IDE: variants seen among roughly 807,000 people sequenced by gnomAD.
IDE encodes the protein insulin degrading enzyme.
In IDE, 58 loss-of-function variants were observed where a neutral mutation model predicts 133.2. The observed-to-expected ratio is 0.44, with a 90% confidence interval of 0.35 to 0.54. The LOEUF (loss-of-function observed/expected upper bound fraction) is 0.54. Ranked by LOEUF, IDE falls within the 20% of genes least tolerant of loss-of-function variation. IDE has a pLI of 0.00. For missense variants in IDE, 981 were observed against 1,234.0 expected, an observed-to-expected ratio of 0.79 and a Z score of 3.07; for synonymous variants, 396 against 421.3, an observed-to-expected ratio of 0.94 and a Z score of 0.73.
At position 92,499,601 on chromosome 10, in the gene IDE, T is replaced by C. The variant is rs930076051; in HGVS notation, c.1430+5193A>G. On this transcript the variant is annotated intron_variant, in intron 11 of 24. Transcript: ENST00000265986. ...GCACGTACCACCACACCCTGCTAAT[T>C]TGCATACTTTTTTAGAGATGGGGTT... 1.1e-4 allele frequency among the ~76,000 whole-genome samples: 17 copies of C among 151,926 alleles called. No homozygotes were observed. The East Asian group carries it at 2.3e-3, about 21-fold the overall frequency.
chr10:92,499,390 C>T (rs533369975), intron 11 of IDE, among the ~76,000 whole-genome samples: 1 of 151,918 alleles, frequency 6.6e-6, no homozygotes, highest in African/African-American at 2.4e-5. Context: ...GGTGATCCAC[C>T]CACTTTGGTC....
intron 4 of IDE, among the ~76,000 whole-genome samples, chr10:92,525,752 GAAAA>G (rs59547662): frequency 8.6e-5 from 10 of 116,416 alleles, no homozygotes; most frequent in African/African-American, 2.6e-4. Flanking sequence ...TGAACAATCT[GAAAA>G]AAAAAAAAAA....
At position 92,548,990 on chromosome 10, in the gene IDE, A is replaced by G. The variant is rs115106451; in HGVS notation, c.99-11440T>C. Among the ~76,000 whole-genome samples the G allele has an allele frequency of 4.5e-3, 688 of 152,166 alleles. 2 individuals are homozygous for G. Among genetic ancestry groups the G allele is most frequent in the African/African-American group, 0.016 (648 of 41,532 alleles). Reference sequence around the variant, plus strand: ...ATCTCCCACAAGAAAGAATTATATGATCCACACCTGTAATCCCAGCACTTT... The same window carrying G: ...ATCTCCCACAAGAAAGAATTATATGGTCCACACCTGTAATCCCAGCACTTT... On this transcript the variant is annotated intron_variant, in intron 1 of 24. Transcript: ENST00000265986.
At chr10:92,462,745 C>A (rs1473050292) in intron 21 of IDE, among the ~76,000 whole-genome samples, 1 of 152,232 alleles carries the variant, frequency 6.6e-6, no homozygotes, top group African/African-American at 2.4e-5. Context: ...TTCTAAGCCT[C>A]AGTTTCCTCA....
At chr10:92,503,960 C>T (rs1372495031) in intron 11 of IDE, among the ~76,000 whole-genome samples, 2 of 152,024 alleles carry the variant, frequency 1.3e-5, no homozygotes, top group Admixed American at 6.6e-5. Context: ...TCAGCTGATC[C>T]GCCCGCCCTG....
chr10:92,492,259 C>CA (rs199701512), intron 11 of IDE, among the ~76,000 whole-genome samples: 1,252 of 118,260 alleles, frequency 0.011, 15 homozygotes, highest in African/African-American at 0.029. Flanking sequence ...GACTCTGTCT[C>CA]AAAAAAAAAA....
At position 92,463,770 on chromosome 10, in the gene IDE, A is replaced by C; in HGVS notation, c.2722T>G (p.Trp908Gly). Reference sequence around the variant, plus strand: ...TATTGCTGGGAGATGATTTCTCCCCAGTATTTAGCACACTCAGCAGATAGC... The same window carrying C: ...TATTGCTGGGAGATGATTTCTCCCCCGTATTTAGCACACTCAGCAGATAGC... ...KKLSAECAKY[W>G]GEIISQQYNF... The change falls in exon 21 of 25, where the codon TGG (tryptophan) becomes GGG (glycine). Residue 908 changes from tryptophan (W) to glycine (G), a missense_variant. Physicochemically the swap from Trp to Gly is radical, Grantham distance 184 (BLOSUM62 -2). Coordinates refer to ENST00000265986, the MANE Select transcript of IDE (RefSeq NM_004969.4). The C allele has an allele frequency of 1.2e-6, 2 of 1,614,062 alleles. No homozygotes were observed. The highest frequency in any genetic ancestry group is 2.7e-5 in the African/African-American group (2 of 75,048).
intron 15 of IDE, among the ~76,000 whole-genome samples, 181 bp from the exon 16 acceptor site, chr10:92,476,175 CTT>C (rs869242486): frequency 1.5e-4 from 21 of 142,766 alleles, no homozygotes; most frequent in Non-Finnish European, 2.0e-4. Context: ...CATTAACCAT[CTT>C]TTTTTTTTTT....
chr10:92,521,530 A>G (rs2135596084), intron 4 of IDE, among the ~76,000 whole-genome samples: 1 of 152,292 alleles, frequency 6.6e-6, no homozygotes, highest in South Asian at 2.1e-4. Flanking sequence ...TAAACTAAAA[A>G]GAGACTTAAA....
intron 13 of IDE, among the ~76,000 whole-genome samples, chr10:92,483,795 A>G (rs541299995): frequency 1.3e-5 from 2 of 152,180 alleles, no homozygotes; most frequent in African/African-American, 4.8e-5. Flanking sequence ...TACTAACAAA[A>G]TATGACAGAA....
rs1844879292 is a variant in IDE, at chr10:92,454,335, G to T, written c.*109C>A. On this transcript the variant is annotated 3_prime_UTR_variant, in exon 25 of 25. Transcript: ENST00000265986. ...AATGACATTTGACAATTTTTTGTTT[G>T]TTTCTCTAATAGTGAATCAGAAACT... 1.9e-5 allele frequency: 13 copies of T among 694,120 alleles called. No homozygotes were observed. Among genetic ancestry groups the T allele is most frequent in the African/African-American group, 5.3e-5 (3 of 56,460 alleles). 43.0% of individuals were successfully genotyped at this position (694,120 alleles called of 1,614,324 possible).
intron 5 of IDE, among the ~76,000 whole-genome samples, chr10:92,512,462 G>A (rs1848683406): frequency 6.6e-6 from 1 of 151,738 alleles, no homozygotes; most frequent in African/African-American, 2.4e-5. Context: ...AGAACATTCT[G>A]AGGACAGGGA....
At chr10:92,534,177 C>T (rs1589494639) in intron 3 of IDE, among the ~76,000 whole-genome samples, 1 of 152,152 alleles carries the variant, frequency 6.6e-6, no homozygotes, top group East Asian at 1.9e-4. Flanking sequence ...ACGGTTGAAA[C>T]AGCAGGTCAA....
At chr10:92,503,937 C>T (rs573377958) in intron 11 of IDE, among the ~76,000 whole-genome samples, 3 of 151,898 alleles carry the variant, frequency 2.0e-5, no homozygotes, top group Non-Finnish European at 4.4e-5. Context: ...AGGCTGGTCT[C>T]GAACTCCCGA....
rs552801357 is a variant in IDE at position 92,506,540 on chromosome 10, T to TCCAATTAGA, written c.1246-27_1246-19dup. ...TTCAAGTCCTAAAATAGAAAGTTAA[T>TCCAATTAGA]CCAATTAGATACGGCCACCCTTATT... is the stretch of plus-strand genomic sequence containing the variant. On this transcript the variant is annotated intron_variant, in intron 9 of 24. Coordinates refer to ENST00000265986, the MANE Select transcript of IDE (RefSeq NM_004969.4). 1.8e-3 allele frequency: 2,278 copies of TCCAATTAGA among 1,283,456 alleles called. 7 individuals carry two copies. The highest frequency in any genetic ancestry group is 2.4e-3 in the Non-Finnish European group (2,134 of 885,044). 79.5% of individuals were successfully genotyped at this position (1,283,456 alleles called of 1,614,324 possible).
intron 8 of IDE, 56 bp downstream of exon 8, chr10:92,508,057 A>G: frequency 7.8e-7 from 1 of 1,289,844 alleles, no homozygotes; most frequent in Non-Finnish European, 1.1e-6. Flanking sequence ...AGAAGTTAAA[A>G]AACATCATAG....
At chr10:92,492,503 T>A (rs1388478543) in intron 11 of IDE, among the ~76,000 whole-genome samples, 2 of 152,178 alleles carry the variant, frequency 1.3e-5, no homozygotes, top group African/African-American at 4.8e-5. Flanking sequence ...ACCAATCCTA[T>A]TTTGAATCTT....
chr10:92,537,627 T>C, intron 1 of IDE, 77 bp from the exon 2 acceptor site: 5 of 1,023,692 alleles, frequency 4.9e-6, no homozygotes, highest in Admixed American at 2.4e-5. Context: ...AGTAAACCCA[T>C]ATAATACATC....
rs1040263860 is a variant in IDE, at chr10:92,534,435, T to C, written c.491+143A>G. 78 of 594,958 alleles carry C rather than the reference T, an allele frequency of 1.3e-4. 1 individual carries two copies. Among genetic ancestry groups the C allele is most frequent in the Middle Eastern group, 4.6e-4 (1 of 2,194 alleles). 36.9% of individuals were successfully genotyped at this position (594,958 alleles called of 1,614,324 possible). A position where few individuals can be genotyped will look rare whatever the true frequency, so the allele number is the denominator to read the frequency against. ...TTTAAAATATGACATCACTCATTTT[T>C]TCTTTTTCAGAAAACACAGGGAAAA... On this transcript the variant is annotated intron_variant, in intron 3 of 24. Coordinates refer to ENST00000265986, the MANE Select transcript of IDE (RefSeq NM_004969.4).
Sources: gnomAD v4.1 joint callset for allele counts (sites outside exome capture counted in the v4.1 genomes callset) on GRCh38, gnomAD v4.1.1 for gene constraint, MANE v1.5 for transcripts, NCBI Gene and HGNC (gene_info 2026-07-23, HGNC 2026-07-21) for gene names.